The following PPP2R5A variants were observed in gnomAD, a reference collection of about 807,000 sequenced individuals.
PPP2R5A encodes the protein protein phosphatase 2 regulatory subunit B'alpha.
A neutral mutation model predicts 64.2 loss-of-function variants in PPP2R5A; 25 were observed. The observed-to-expected ratio is 0.39, with a 90% CI of 0.28 to 0.54. PPP2R5A has a LOEUF of 0.54. PPP2R5A is among the 20% of genes least tolerant of loss of function. The probability of loss-of-function intolerance (pLI) is 0.67; values close to 1 mark genes in which losing one functional copy is unlikely to be tolerated. For missense variants in PPP2R5A, 425 were observed against 576.3 expected (o/e 0.74, Z 2.69); for synonymous variants, 198 against 201.2 (o/e 0.98, Z 0.13).
rs1176366706 is a variant in PPP2R5A at position 212,360,689 on chromosome 1, G to A, written c.1380G>A (p.Glu460=). 11 of 1,595,292 alleles carry A rather than the reference G, an allele frequency of 6.9e-6. No individual in the cohort carries two copies. Among genetic ancestry groups the A allele is most frequent in the Non-Finnish European group, 8.6e-6 (10 of 1,169,042 alleles). ...AAGAATTATGGAAAAAATTAGAGGA[G>A]CTAAAGCTAAAGAAAGCTCTAGAAA... ...EREELWKKLE[E]LKLKKALEKQ... The change falls in exon 13 of 13, where the codon GAG becomes GAA. Residue 460 remains glutamate, a synonymous_variant. Coordinates refer to ENST00000261461, the MANE Select transcript of PPP2R5A (RefSeq NM_006243.4).
At chr1:212,323,109 G>C (rs1482138923) in intron 1 of PPP2R5A, among the ~76,000 whole-genome samples, 1 of 152,106 alleles carries the variant, frequency 6.6e-6, no homozygotes, top group Non-Finnish European at 1.5e-5. Context: ...TAATTTTTCT[G>C]TTTATATTTA....
intron 8 of PPP2R5A, chr1:212,352,835 GC>G: frequency 1.9e-6 from 1 of 519,196 alleles, no homozygotes; most frequent in Non-Finnish European, 3.8e-6. Context: ...TATCAAAGCT[GC>G]AGCTGCTTCC....
At chr1:212,356,703 C>T (rs1659983291) in intron 9 of PPP2R5A, 27 bp downstream of exon 9, 2 of 1,603,032 alleles carry the variant, frequency 1.2e-6, no homozygotes, top group Non-Finnish European at 1.7e-6. Flanking sequence ...AAATGTAGTG[C>T]ATTTTACTAG....
intron 1 of PPP2R5A, among the ~76,000 whole-genome samples, chr1:212,310,958 G>A (rs1367985041): frequency 6.6e-6 from 1 of 152,180 alleles, no homozygotes; most frequent in Non-Finnish European, 1.5e-5. Flanking sequence ...ACATAGCTGA[G>A]CCAAGGGGGA....
chr1:212,333,688 G>T, intron 3 of PPP2R5A, 90 bp downstream of exon 3: 2 of 692,614 alleles, frequency 2.9e-6, no homozygotes, highest in Non-Finnish European at 4.4e-6. Context: ...GAGTGTCTGT[G>T]TAAAATATTT....
At position 212,329,017 on chromosome 1, in the gene PPP2R5A, C is replaced by A. The variant is rs975893474; in HGVS notation, c.182-118C>A. ...GATGGGGTTATAGATGGGCACATTT[C>A]TCACTAGATTTTTGGAAGAAGTTTT... On this transcript the variant is annotated intron_variant, in intron 1 of 12. Transcript: ENST00000261461. The A allele has an allele frequency of 3.9e-5, 27 of 684,006 alleles. 1 individual carries two copies. The highest frequency in any genetic ancestry group is 2.3e-4 in the Admixed American group (6 of 26,578). The allele number at this position is 684,006 out of a possible 1,614,324, so 42.4% of individuals were successfully genotyped here.
At chr1:212,337,105 G>A (rs1429161107) in intron 3 of PPP2R5A, among the ~76,000 whole-genome samples, 1 of 152,116 alleles carries the variant, frequency 6.6e-6, no homozygotes, top group Non-Finnish European at 1.5e-5. Context: ...CCACAAGGAA[G>A]GTCATTTCAG....
chr1:212,302,675 A>G (rs941366590), intron 1 of PPP2R5A, among the ~76,000 whole-genome samples: 6 of 152,226 alleles, frequency 3.9e-5, no homozygotes, highest in African/African-American at 1.4e-4. Flanking sequence ...GACATGTGCA[A>G]CTACCACAGT....
At chr1:212,314,291 C>T (rs943769306) in intron 1 of PPP2R5A, among the ~76,000 whole-genome samples, 2 of 152,168 alleles carry the variant, frequency 1.3e-5, no homozygotes, top group Admixed American at 6.5e-5. Context: ...TTAGCTGAGG[C>T]CTTAGACATC....
Position 212,360,861 on chromosome 1 carries a change from ATATAAT to A in PPP2R5A, c.*94_*99del. ...TTACAAAACAAACCTCATCAGTATAATATAATTAAAAGGCCAATTTTTTCTGGCAAC... is the reference window on the plus strand; with the variant it reads ...TTACAAAACAAACCTCATCAGTATAATAAAAGGCCAATTTTTTCTGGCAAC... On this transcript the variant is annotated 3_prime_UTR_variant, in exon 13 of 13. Transcript: ENST00000261461. 6 of 1,284,608 alleles carry A rather than the reference ATATAAT, an allele frequency of 4.7e-6. No individual in the cohort carries two copies. The highest frequency in any genetic ancestry group is 6.1e-6 in the Non-Finnish European group (6 of 982,262). The allele number at this position is 1,284,608 out of a possible 1,614,324, so 79.6% of individuals were successfully genotyped here. A position where few individuals can be genotyped will look rare whatever the true frequency, so the allele number is the denominator to read the frequency against.
intron 1 of PPP2R5A, among the ~76,000 whole-genome samples, chr1:212,327,147 CT>C (rs1659420257): frequency 6.6e-6 from 1 of 152,092 alleles, no homozygotes; most frequent in African/African-American, 2.4e-5. Context: ...CTGCCTGTAT[CT>C]TTATATAAAG....
At chr1:212,338,616 G>A (rs529509087) in intron 3 of PPP2R5A, among the ~76,000 whole-genome samples, 5 of 152,040 alleles carry the variant, frequency 3.3e-5, no homozygotes, top group Non-Finnish European at 2.9e-5. Flanking sequence ...GTGAAACCCC[G>A]TCTCTACTAA....
intron 6 of PPP2R5A, among the ~76,000 whole-genome samples, chr1:212,347,691 C>T (rs888301890): frequency 1.3e-5 from 2 of 151,996 alleles, no homozygotes; most frequent in East Asian, 3.9e-4. Context: ...AGGTGCCTGC[C>T]ACCACACCCA....
At chr1:212,314,994 A>G (rs1659119490) in intron 1 of PPP2R5A, among the ~76,000 whole-genome samples, 1 of 152,228 alleles carries the variant, frequency 6.6e-6, no homozygotes, top group Non-Finnish European at 1.5e-5. Context: ...GGCATAAGCC[A>G]CCACGCCCAG....
chr1:212,299,498 G>A (rs1342439155), intron 1 of PPP2R5A: 1 of 152,160 alleles, frequency 6.6e-6, no homozygotes, highest in Non-Finnish European at 1.5e-5. Flanking sequence ...TTCCACATTA[G>A]CATAGTACTA....
intron 1 of PPP2R5A, among the ~76,000 whole-genome samples, chr1:212,303,335 T>A (rs1463367584): frequency 1.3e-5 from 2 of 152,242 alleles, no homozygotes; most frequent in Non-Finnish European, 2.9e-5. Context: ...TTTCCCTAAT[T>A]ACTAATGATG....
chr1:212,299,686 C>T (rs1279407689), intron 1 of PPP2R5A: 3 of 152,206 alleles, frequency 2.0e-5, no homozygotes, highest in African/African-American at 7.2e-5. Context: ...TAGTTTTCCA[C>T]ATACTTTTGT....
chr1:212,334,338 G>A (rs1339889511), intron 3 of PPP2R5A, among the ~76,000 whole-genome samples: 1 of 151,912 alleles, frequency 6.6e-6, no homozygotes, highest in Non-Finnish European at 1.5e-5. Flanking sequence ...CACCCAGGCT[G>A]GAGTGTAGTG....
intron 3 of PPP2R5A, 30 bp downstream of exon 3, chr1:212,333,628 T>A (rs1381586765): frequency 1.6e-6 from 2 of 1,274,148 alleles, no homozygotes; most frequent in Admixed American, 2.4e-5. Flanking sequence ...ATTGGCAGTT[T>A]TTATATTTAT....
Sources: gnomAD v4.1 joint callset for allele counts (sites outside exome capture counted in the v4.1 genomes callset) on GRCh38, gnomAD v4.1.1 for gene constraint, MANE v1.5 for transcripts, NCBI Gene and HGNC (gene_info 2026-07-23, HGNC 2026-07-21) for gene names.